RPS6KC1: variants seen among roughly 807,000 people sequenced by gnomAD.
RPS6KC1 encodes the protein ribosomal protein S6 kinase C1.
In RPS6KC1, 54 loss-of-function variants were observed where a neutral mutation model predicts 103.8. The ratio of observed to expected loss-of-function variants is 0.52; its 90% CI spans 0.42 to 0.65. The LOEUF (loss-of-function observed/expected upper bound fraction) is 0.65, where lower values mean the gene tolerates loss of function less well. Among genes scored for constraint, RPS6KC1 ranks in the 30% least tolerant of loss-of-function variants. The pLI is 0.00. For missense variants in RPS6KC1, 1,151 were observed against 1,253.8 expected (o/e 0.92, Z 1.24); for synonymous variants, 439 against 438.7 (o/e 1.00, Z -0.01).
the RPS6KC1 span, among the ~76,000 whole-genome samples, chr1:213,767,082 T>C: frequency 4.6e-5 from 7 of 152,230 alleles, no homozygotes; most frequent in African/African-American, 1.7e-4. Context: ...ATCCAGGCCT[T>C]GTTACCTAAT....
chr1:213,647,130 C>T, the RPS6KC1 span, among the ~76,000 whole-genome samples: 3 of 152,176 alleles, frequency 2.0e-5, no homozygotes, highest in South Asian at 2.1e-4. Flanking sequence ...AGGATGGTCT[C>T]GAACTCCTGA....
chr1:213,844,891 C>T, the RPS6KC1 span, among the ~76,000 whole-genome samples: 2 of 152,158 alleles, frequency 1.3e-5, no homozygotes, highest in East Asian at 1.9e-4. Context: ...ACCTTCCCTA[C>T]CTCCACCCCA....
At chr1:213,223,373 C>T (rs915787410) in intron 8 of RPS6KC1, among the ~76,000 whole-genome samples, 9 of 152,152 alleles carry the variant, frequency 5.9e-5, no homozygotes. Context: ...TCACAACCTT[C>T]CCTCCTGAGT....
chr1:213,434,660 T>G, the RPS6KC1 span, among the ~76,000 whole-genome samples: 1 of 152,238 alleles, frequency 6.6e-6, no homozygotes, highest in Admixed American at 6.5e-5. Flanking sequence ...TTTGCCATGT[T>G]GGCCAGGCTG....
chr1:213,558,421 C>T, the RPS6KC1 span, among the ~76,000 whole-genome samples: 1 of 152,142 alleles, frequency 6.6e-6, no homozygotes, highest in East Asian at 1.9e-4. Flanking sequence ...ATGCTGCCAG[C>T]ACCTGATTAT....
the RPS6KC1 span, among the ~76,000 whole-genome samples, chr1:213,360,615 TGGA>T: frequency 6.6e-6 from 1 of 152,240 alleles, no homozygotes; most frequent in African/African-American, 2.4e-5. Flanking sequence ...TGCGTTCCTT[TGGA>T]GGAGGAGAAG....
At chr1:213,765,482 G>C in the RPS6KC1 span, among the ~76,000 whole-genome samples, 5 of 152,132 alleles carry the variant, frequency 3.3e-5, no homozygotes, top group Non-Finnish European at 7.4e-5. Context: ...GATTTGAAAC[G>C]GTCTGCTAAT....
intron 6 of RPS6KC1, among the ~76,000 whole-genome samples, chr1:213,151,833 AC>A (rs1182276273): frequency 2.6e-5 from 2 of 77,504 alleles, no homozygotes; most frequent in African/African-American, 5.2e-5. Context: ...CGAGGGGCTG[AC>A]CCCCCCACCT....
intron 8 of RPS6KC1, among the ~76,000 whole-genome samples, chr1:213,191,034 AT>A (rs1285862903): frequency 6.6e-6 from 1 of 152,074 alleles, no homozygotes; most frequent in Non-Finnish European, 1.5e-5. Flanking sequence ...GTACCATGCC[AT>A]TTTGGTTACT....
rs1194774577 is a variant in RPS6KC1 at position 213,242,167 on chromosome 1, C to T, written c.2691C>T (p.Ser897=). The T allele has an allele frequency of 8.1e-6, 13 of 1,613,756 alleles. No homozygotes were observed. Among genetic ancestry groups the T allele is most frequent in the Admixed American group, 3.3e-5 (2 of 59,938 alleles). ...EDLDKKLALA[S]RFYIPEGCIQ... ...TTGATAAAAAATTAGCACTAGCCTCCAGGTTTTACATCCCAGAGGGCTGCA... is the reference window on the plus strand; with the variant it reads ...TTGATAAAAAATTAGCACTAGCCTCTAGGTTTTACATCCCAGAGGGCTGCA... Residue 897 remains serine, a synonymous_variant, in exon 11 of 15, where the codon TCC becomes TCT. Transcript: ENST00000366960.
chr1:213,453,736 A>G, the RPS6KC1 span, among the ~76,000 whole-genome samples: 1 of 152,230 alleles, frequency 6.6e-6, no homozygotes, highest in Non-Finnish European at 1.5e-5. Flanking sequence ...TTTACAGGTA[A>G]GTAACTGAAG....
At chr1:213,684,238 G>T in the RPS6KC1 span, among the ~76,000 whole-genome samples, 9 of 152,000 alleles carry the variant, frequency 5.9e-5, no homozygotes, top group Non-Finnish European at 1.2e-4. Context: ...CATCCATTTG[G>T]ATCATATCAT....
chr1:213,282,325 A>G, the RPS6KC1 span, among the ~76,000 whole-genome samples: 44 of 152,282 alleles, frequency 2.9e-4, 1 homozygote, highest in Non-Finnish European at 1.5e-5. Flanking sequence ...TTTCTGTTTC[A>G]TGTTGTTGAG....
At chr1:213,328,464 C>A in the RPS6KC1 span, among the ~76,000 whole-genome samples, 1 of 143,570 alleles carries the variant, frequency 7.0e-6, no homozygotes, top group Admixed American at 7.2e-5. Flanking sequence ...AATTCATCGT[C>A]TGTGTTCAAC....
At chr1:213,546,708 A>G in the RPS6KC1 span, among the ~76,000 whole-genome samples, 3 of 152,208 alleles carry the variant, frequency 2.0e-5, no homozygotes, top group African/African-American at 7.2e-5. Context: ...AGACTTACAG[A>G]ACTATTGAAC....
the RPS6KC1 span, among the ~76,000 whole-genome samples, chr1:213,616,636 C>A: frequency 2.0e-5 from 3 of 152,200 alleles, no homozygotes; most frequent in Non-Finnish European, 4.4e-5. Flanking sequence ...CATAGTGAGA[C>A]CCTGTCTCTA....
intron 6 of RPS6KC1, among the ~76,000 whole-genome samples, chr1:213,161,325 CT>C (rs1320980528): frequency 1.7e-3 from 246 of 144,830 alleles, no homozygotes; most frequent in Middle Eastern, 3.5e-3. Context: ...TTGACTCATT[CT>C]TTTTTTTTTT....
chr1:213,401,393 C>A, the RPS6KC1 span, among the ~76,000 whole-genome samples: 1 of 152,200 alleles, frequency 6.6e-6, no homozygotes, highest in Admixed American at 6.5e-5. Flanking sequence ...CCACAATGAC[C>A]AGGGCTCTTT....
chr1:213,521,374 A>G, the RPS6KC1 span, among the ~76,000 whole-genome samples: 2 of 152,244 alleles, frequency 1.3e-5, no homozygotes, highest in African/African-American at 4.8e-5. Flanking sequence ...ATGGTAATCT[A>G]AGCCTTCCGT....
Sources: allele counts gnomAD v4.1 joint callset (sites outside exome capture counted in the v4.1 genomes callset), GRCh38; gene constraint gnomAD v4.1.1; transcripts MANE v1.5; gene names NCBI Gene and HGNC (gene_info 2026-07-23, HGNC 2026-07-21).